WDR93: variants seen among roughly 807,000 people sequenced by gnomAD.
WDR93 encodes the protein WD repeat domain 93.
Under a neutral mutation model 82.9 loss-of-function variants are expected in WDR93, and 73 were observed. That is an observed-to-expected ratio of 0.88 (90% confidence interval 0.73 to 1.07). The LOEUF (loss-of-function observed/expected upper bound fraction) is 1.07, where lower values mean the gene tolerates loss of function less well. WDR93 is among the 50% of genes least tolerant of loss of function. The pLI is 0.00. For synonymous variants in WDR93, 283 were observed against 300.1 expected, an observed-to-expected ratio of 0.94 and a Z score of 0.59; for missense variants, 738 against 826.0, an observed-to-expected ratio of 0.89 and a Z score of 1.31.
intron 8 of WDR93, among the ~76,000 whole-genome samples, chr15:89,723,297 C>T (rs1213120094): frequency 1.3e-5 from 2 of 151,722 alleles, no homozygotes; most frequent in African/African-American, 4.8e-5. Flanking sequence ...AAAAGAGAGG[C>T]CAAGTGTGGT....
At chr15:89,692,795 A>G (rs539544486) in intron 1 of WDR93, among the ~76,000 whole-genome samples, 2 of 152,170 alleles carry the variant, frequency 1.3e-5, no homozygotes, top group African/African-American at 2.4e-5. Flanking sequence ...TTTAGTAGAG[A>G]TGGTGTTTCA....
At chr15:89,742,252 A>G (rs1355936049) in intron 16 of WDR93, among the ~76,000 whole-genome samples, 1 of 152,068 alleles carries the variant, frequency 6.6e-6, no homozygotes, top group Non-Finnish European at 1.5e-5. Flanking sequence ...AAAATTAATT[A>G]ATTAAATTAA....
intron 4 of WDR93, 41 bp downstream of exon 4, chr15:89,705,659 G>A (rs1965696459): frequency 1.6e-6 from 2 of 1,285,570 alleles, no homozygotes; most frequent in South Asian, 2.5e-5. Context: ...GCCAAAAGCT[G>A]TAGCAAATTA....
At chr15:89,709,861 A>AAT (rs1174173914) in intron 4 of WDR93, among the ~76,000 whole-genome samples, 1 of 50,166 alleles carries the variant, frequency 2.0e-5, no homozygotes, top group Non-Finnish European at 4.9e-5. Flanking sequence ...TATTTGTAAT[A>AAT]AAAAAAAAAA....
chr15:89,703,070 A>T lies in WDR93; in HGVS notation c.424A>T (p.Lys142Ter). ...AKQIYAWEKL[K>*]VDVTSIWATD... Reference sequence around the variant, plus strand: ...ACAAATATATGCGTGGGAGAAGCTTAAGGTTGATGTCACTTCCATCTGGGC... The same window carrying T: ...ACAAATATATGCGTGGGAGAAGCTTTAGGTTGATGTCACTTCCATCTGGGC... The change falls in exon 3 of 17, where the codon AAG becomes TAG. Residue 142 changes from lysine (K) to a stop codon, truncating the protein, a stop_gained. Transcript: ENST00000268130. LOFTEE classifies it high-confidence loss of function. 1 of 1,614,210 alleles carries T rather than the reference A, an allele frequency of 6.2e-7. No individual in the cohort carries two copies. Among genetic ancestry groups the T allele is most frequent in the South Asian group, 1.1e-5 (1 of 91,078 alleles).
chr15:89,727,857 C>A (rs907475100), intron 9 of WDR93, among the ~76,000 whole-genome samples: 3 of 151,746 alleles, frequency 2.0e-5, no homozygotes, highest in African/African-American at 4.8e-5. Context: ...CTGAGGCATG[C>A]AGATTACCTG....
upstream of WDR93, chr15:89,690,769 C>T: frequency 1.7e-6 from 1 of 580,780 alleles, no homozygotes. Context: ...CCAGAGGGGG[C>T]GGGCACACTT....
intron 16 of WDR93, among the ~76,000 whole-genome samples, chr15:89,742,431 G>A (rs905228956): frequency 6.6e-6 from 1 of 151,806 alleles, no homozygotes; most frequent in Non-Finnish European, 1.5e-5. Flanking sequence ...CCTCCACCCT[G>A]CTAAGCGTGC....
chr15:89,690,764 G>C, upstream of WDR93: 2 of 591,276 alleles, frequency 3.4e-6, no homozygotes, highest in South Asian at 2.1e-5. Flanking sequence ...CCGCCCCAGA[G>C]GGGGCGGGCA....
rs757266868 is a variant in WDR93 at position 89,732,995 on chromosome 15, A to T, written c.1331-11A>T. The T allele has an allele frequency of 6.2e-7, 1 of 1,613,184 alleles. No individual in the cohort carries two copies. Among genetic ancestry groups the T allele is most frequent in the Non-Finnish European group, 8.5e-7 (1 of 1,179,482 alleles). ...CGTTTTCTGACCGGCTTGTGTGATT[A>T]CTTTCTCTAGGATTCCCTCTTGGGG... On this transcript the variant is annotated splice_polypyrimidine_tract_variant and intron_variant, in intron 12 of 16. Coordinates refer to ENST00000268130, the MANE Select transcript of WDR93 (RefSeq NM_020212.2).
chr15:89,709,888 C>T (rs1050067567), intron 4 of WDR93, among the ~76,000 whole-genome samples: 2 of 152,074 alleles, frequency 1.3e-5, no homozygotes, highest in Non-Finnish European at 2.9e-5. Flanking sequence ...AGGCCGGGTA[C>T]AGTGGCTCCT....
intron 8 of WDR93, among the ~76,000 whole-genome samples, chr15:89,724,454 A>G (rs1966652908): frequency 6.6e-6 from 1 of 152,258 alleles, no homozygotes; most frequent in Admixed American, 6.5e-5. Context: ...AAAATTGAAT[A>G]AATTTGACTA....
chr15:89,709,019 C>T (rs1421710386), intron 4 of WDR93, among the ~76,000 whole-genome samples: 1 of 152,252 alleles, frequency 6.6e-6, no homozygotes, highest in Non-Finnish European at 1.5e-5. Context: ...GGTGCCCACA[C>T]TATTGCAGCC....
chr15:89,718,330 C>T (rs1383977716), intron 7 of WDR93, among the ~76,000 whole-genome samples: 10 of 152,098 alleles, frequency 6.6e-5, no homozygotes, highest in Admixed American at 2.6e-4. Flanking sequence ...AAAAATTAGC[C>T]GGATGTGGTG....
At chr15:89,741,263 C>G (rs2141732017) in intron 16 of WDR93, among the ~76,000 whole-genome samples, 1 of 152,244 alleles carries the variant, frequency 6.6e-6, no homozygotes, top group East Asian at 1.9e-4. Flanking sequence ...TTTTTTGAGA[C>G]AGGGTCATCC....
At chr15:89,738,651 T>C (rs963570679) in intron 16 of WDR93, among the ~76,000 whole-genome samples, 1 of 150,142 alleles carries the variant, frequency 6.7e-6, no homozygotes, top group Non-Finnish European at 1.5e-5. Flanking sequence ...AAAAAGAAAT[T>C]TCCCCTAAGT....
chr15:89,732,136 G>C (rs1234701625), intron 12 of WDR93, among the ~76,000 whole-genome samples: 1 of 152,212 alleles, frequency 6.6e-6, no homozygotes, highest in African/African-American at 2.4e-5. Flanking sequence ...TCAGCCTCTA[G>C]AGAAGCAGCT....
intron 1 of WDR93, among the ~76,000 whole-genome samples, chr15:89,697,467 T>C (rs1965238827): frequency 6.6e-6 from 1 of 152,158 alleles, no homozygotes; most frequent in South Asian, 2.1e-4. Flanking sequence ...TGTTATTGAT[T>C]TCTAAAATAA....
chr15:89,695,429 A>G (rs966566404), intron 1 of WDR93, among the ~76,000 whole-genome samples: 2 of 152,148 alleles, frequency 1.3e-5, no homozygotes. Flanking sequence ...GAACTCCTGG[A>G]CTCAAAGCAA....
Sources: gnomAD v4.1 joint callset for allele counts (sites outside exome capture counted in the v4.1 genomes callset) on GRCh38, gnomAD v4.1.1 for gene constraint, MANE v1.5 for transcripts, NCBI Gene and HGNC (gene_info 2026-07-23, HGNC 2026-07-21) for gene names.